The following EPHA5 variants were observed in gnomAD, a reference collection of about 807,000 sequenced individuals.
EPHA5 encodes EPH receptor A5, also known as ephrin type-A receptor 5.
EPHA5 carries 60 observed loss-of-function variants against 105.0 expected under a neutral mutation model. The ratio of observed to expected loss-of-function variants is 0.57; its 90% CI spans 0.46 to 0.71. The LOEUF (loss-of-function observed/expected upper bound fraction) is 0.71, where lower values mean the gene tolerates loss of function less well. Among genes scored for constraint, EPHA5 ranks in the 30% least tolerant of loss-of-function variants. The probability of loss-of-function intolerance (pLI) is 0.00; values close to 1 mark genes in which losing one functional copy is unlikely to be tolerated. For synonymous variants in EPHA5, 513 were observed against 449.1 expected (o/e 1.14, Z -1.80); for missense variants, 1,218 against 1,274.7 (o/e 0.96, Z 0.68).
At chr4:65,395,972 C>T (rs1328374898) in intron 8 of EPHA5, among the ~76,000 whole-genome samples, 3 of 152,170 alleles carry the variant, frequency 2.0e-5, no homozygotes, top group Admixed American at 2.0e-4. Context: ...TGGAAACCCA[C>T]CCCCTTCCAA....
intron 3 of EPHA5, among the ~76,000 whole-genome samples, chr4:65,568,459 A>G (rs527579545): frequency 6.6e-6 from 1 of 151,410 alleles, no homozygotes; most frequent in Non-Finnish European, 1.5e-5. Context: ...TATTTGGACT[A>G]TAATTTGATT....
intron 1 of EPHA5, among the ~76,000 whole-genome samples, chr4:65,650,133 G>T (rs978766269): frequency 6.6e-6 from 1 of 151,914 alleles, no homozygotes; most frequent in African/African-American, 2.4e-5. Context: ...ACATATTTAT[G>T]GTATATAATC....
chr4:65,601,495 T>C (rs987218485), intron 3 of EPHA5, 146 bp downstream of exon 3: 1 of 847,354 alleles, frequency 1.2e-6, no homozygotes, highest in Non-Finnish European at 1.8e-6. Context: ...TTTAAAATTC[T>C]GAAAAGAGAA....
chr4:65,511,207 A>G (rs1465008888), intron 3 of EPHA5, among the ~76,000 whole-genome samples: 1 of 152,176 alleles, frequency 6.6e-6, no homozygotes, highest in Non-Finnish European at 1.5e-5. Flanking sequence ...CTAATGTTAC[A>G]TTACTCAACA....
Position 65,414,394 on chromosome 4 carries a change from G to C in EPHA5, c.1577C>G (p.Thr526Ser), listed in dbSNP as rs745742609. Residue 526 changes from threonine (T) to serine (S), a missense_variant, in exon 7 of 17, where the codon ACT becomes AGT. By Grantham distance (58) the Thr-to-Ser change is moderately conservative (BLOSUM62 1). Coordinates refer to ENST00000613740, the MANE Select transcript of EPHA5 (RefSeq NM_001281766.3). ...TGAAGCTGGTTTCAAGCCCTCTGCA[G>C]TAATAGTTGTCTCTTTAGATTTGAT... The part of the protein sequence containing the change: ...TIIKSKETTI[T>S]AEGLKPASVY... The C allele has an allele frequency of 6.2e-6, 10 of 1,613,862 alleles. No individual in the cohort carries two copies. Among genetic ancestry groups the C allele is most frequent in the Non-Finnish European group, 8.5e-6 (10 of 1,179,902 alleles).
intron 3 of EPHA5, among the ~76,000 whole-genome samples, chr4:65,592,772 A>T (rs1742795399): frequency 6.6e-6 from 1 of 152,212 alleles, no homozygotes; most frequent in Non-Finnish European, 1.5e-5. Context: ...ATTTTAAAAA[A>T]TACTGAACCT....
intron 5 of EPHA5, among the ~76,000 whole-genome samples, chr4:65,476,914 C>CA (rs1273083601): frequency 6.6e-6 from 1 of 151,808 alleles, no homozygotes; most frequent in Admixed American, 6.6e-5. Context: ...GCATAAACAA[C>CA]AAAAAATTGA....
intron 5 of EPHA5, among the ~76,000 whole-genome samples, chr4:65,446,008 C>T (rs751124619): frequency 2.6e-5 from 4 of 152,132 alleles, no homozygotes; most frequent in African/African-American, 9.7e-5. Flanking sequence ...AACATCCTAA[C>T]TGGTGTTCTT....
intron 5 of EPHA5, among the ~76,000 whole-genome samples, chr4:65,451,267 T>G (rs1319037130): frequency 6.6e-6 from 1 of 152,212 alleles, no homozygotes; most frequent in African/African-American, 2.4e-5. Context: ...TAACCATATT[T>G]GTTCTTACAA....
chr4:65,600,089 G>T (rs1233279519), intron 3 of EPHA5, among the ~76,000 whole-genome samples: 1 of 151,946 alleles, frequency 6.6e-6, no homozygotes. Flanking sequence ...CAAATTTTTA[G>T]AAATAATTAA....
chr4:65,388,687 G>T (rs13116077), intron 8 of EPHA5, among the ~76,000 whole-genome samples: 15,830 of 143,206 alleles, frequency 0.11, 1,355 homozygotes, highest in African/African-American at 0.25. Flanking sequence ...TAAATTTGTT[G>T]GAGTTCATTG....
At chr4:65,469,695 C>G (rs1729097404) in intron 5 of EPHA5, among the ~76,000 whole-genome samples, 1 of 152,078 alleles carries the variant, frequency 6.6e-6, no homozygotes, top group Non-Finnish European at 1.5e-5. Flanking sequence ...TTAGATATTT[C>G]TGTAATAAAT....
At chr4:65,462,452 G>A (rs1346779081) in intron 5 of EPHA5, among the ~76,000 whole-genome samples, 2 of 152,112 alleles carry the variant, frequency 1.3e-5, no homozygotes, top group East Asian at 3.9e-4. Context: ...AACATTGATG[G>A]GGGGGTCTTC....
rs2148842006 is a variant in EPHA5 at position 65,348,096 on chromosome 4, C to T, written c.2553G>A (p.Val851=). The stretch of plus-strand genomic sequence containing the variant: ...CCCAGTAGGGTCTCTCTCCATAAGA[C>T]ACAACTTCCCACATTACTATTCCAT... The part of the protein sequence containing the change: ...WSYGIVMWEV[V]SYGERPYWEM... The change falls in exon 14 of 17, where the codon GTG becomes GTA. Residue 851 remains valine, a synonymous_variant. Coordinates refer to ENST00000613740, the MANE Select transcript of EPHA5 (RefSeq NM_001281766.3). The T allele has an allele frequency of 6.2e-7, 1 of 1,612,680 alleles. No homozygotes were observed. Among genetic ancestry groups the T allele is most frequent in the Non-Finnish European group, 8.5e-7 (1 of 1,179,324 alleles).
chr4:65,442,859 C>T (rs1027944057), intron 5 of EPHA5, among the ~76,000 whole-genome samples: 64 of 152,110 alleles, frequency 4.2e-4, no homozygotes, highest in African/African-American at 1.5e-3. Context: ...AACTGAAATG[C>T]AGAGGAGGGT....
At chr4:65,478,785 T>C (rs1169888261) in intron 5 of EPHA5, among the ~76,000 whole-genome samples, 1 of 152,172 alleles carries the variant, frequency 6.6e-6, no homozygotes, top group Non-Finnish European at 1.5e-5. Context: ...ACCCTGTTAA[T>C]ACTATTGTTT....
chr4:65,650,291 T>A (rs1748477512), intron 1 of EPHA5, among the ~76,000 whole-genome samples: 1 of 151,520 alleles, frequency 6.6e-6, no homozygotes, highest in Non-Finnish European at 1.5e-5. Flanking sequence ...CTCACGCCTG[T>A]GATCCCAGCA....
chr4:65,406,691 C>T (rs1448045666), intron 7 of EPHA5, among the ~76,000 whole-genome samples: 1 of 152,084 alleles, frequency 6.6e-6, no homozygotes, highest in Non-Finnish European at 1.5e-5. Flanking sequence ...ATATCTCCAA[C>T]CCTTATTTCT....
rs1301816268 is a variant in EPHA5, at chr4:65,670,174, A to G, written c.-432T>C. On this transcript the variant is annotated 5_prime_UTR_variant, in exon 1 of 17. Coordinates refer to ENST00000613740, the MANE Select transcript of EPHA5 (RefSeq NM_001281766.3). ...AAATCATTTTAAGACGAAATCTCCG[A>G]TTTTTTAAAAAAGGAGGAAAAAAGC... is the stretch of plus-strand genomic sequence containing the variant. 4.1e-6 allele frequency: 1 copy of G among 245,074 alleles called. No individual in the cohort carries two copies. Among genetic ancestry groups the G allele is most frequent in the Non-Finnish European group, 7.8e-6 (1 of 127,482 alleles). The allele number at this position is 245,074 out of a possible 1,614,324, so 15.2% of individuals were successfully genotyped here. A position where few individuals can be genotyped will look rare whatever the true frequency, so the allele number is the denominator to read the frequency against.
Sources: allele counts gnomAD v4.1 joint callset (sites outside exome capture counted in the v4.1 genomes callset), GRCh38; gene constraint gnomAD v4.1.1; transcripts MANE v1.5; gene names NCBI Gene and HGNC (gene_info 2026-07-23, HGNC 2026-07-21).